FBXO36: variants seen among roughly 807,000 people sequenced by gnomAD.
FBXO36 encodes the protein F-box only protein 36.
A neutral mutation model predicts 17.0 loss-of-function variants in FBXO36; 18 were observed. That is an observed-to-expected ratio of 1.06 (90% CI 0.73 to 1.57). The LOEUF is 1.57. Ranked by LOEUF, FBXO36 falls within the 40% of genes most tolerant of loss-of-function variation. The pLI, the probability that FBXO36 is intolerant of heterozygous loss-of-function variation, is 0.00. For synonymous variants in FBXO36, 83 were observed against 85.3 expected, an observed-to-expected ratio of 0.97 and a Z score of 0.15; for missense variants, 229 against 221.9, an observed-to-expected ratio of 1.03 and a Z score of -0.20.
intron 1 of FBXO36, among the ~76,000 whole-genome samples, chr2:229,955,498 A>G (rs559566189): frequency 1.3e-5 from 2 of 151,928 alleles, no homozygotes; most frequent in Admixed American, 6.6e-5. Context: ...CCCGGGCAAC[A>G]GAGTGAGACC....
At chr2:230,006,774 C>T (rs535347529) in intron 3 of FBXO36, among the ~76,000 whole-genome samples, 13 of 152,088 alleles carry the variant, frequency 8.5e-5, no homozygotes, top group Non-Finnish European at 1.8e-4. Context: ...GTCACCTCTA[C>T]GAGACAGAAA....
chr2:229,981,797 T>C (rs1468665896), intron 2 of FBXO36, among the ~76,000 whole-genome samples: 2 of 152,050 alleles, frequency 1.3e-5, no homozygotes, highest in African/African-American at 4.8e-5. Flanking sequence ...TGTTCTCACA[T>C]TGCTATAAGG....
At chr2:229,972,939 G>A (rs1447359940) in intron 1 of FBXO36, among the ~76,000 whole-genome samples, 2 of 151,856 alleles carry the variant, frequency 1.3e-5, no homozygotes. Flanking sequence ...GCGTGCGCCT[G>A]TAATCCCAGC....
chr2:229,939,135 C>A, intron 1 of FBXO36: 2 of 643,878 alleles, frequency 3.1e-6, no homozygotes, highest in Non-Finnish European at 3.8e-6. Context: ...CTCACCGCAA[C>A]CTCCGGTTCC....
intron 1 of FBXO36, among the ~76,000 whole-genome samples, chr2:229,965,297 C>T (rs1341698401): frequency 6.6e-6 from 1 of 151,116 alleles, no homozygotes; most frequent in African/African-American, 2.4e-5. Context: ...GATCTTTGAT[C>T]TACTTGCACT....
chr2:229,936,486 G>C (rs1288781555), intron 1 of FBXO36, among the ~76,000 whole-genome samples: 1 of 152,098 alleles, frequency 6.6e-6, no homozygotes, highest in Non-Finnish European at 1.5e-5. Context: ...ATTAAAAGGG[G>C]CATTTTATAA....
intron 3 of FBXO36, among the ~76,000 whole-genome samples, chr2:230,001,423 G>T (rs1003975149): frequency 1.3e-5 from 2 of 151,832 alleles, no homozygotes; most frequent in Non-Finnish European, 1.5e-5. Flanking sequence ...GAGTAGCTGG[G>T]ATTACAGGCA....
chr2:229,976,078 T>C (rs1308129804), intron 1 of FBXO36, among the ~76,000 whole-genome samples, 163 bp from the exon 2 acceptor site: 1 of 152,212 alleles, frequency 6.6e-6, no homozygotes, highest in Non-Finnish European at 1.5e-5. Flanking sequence ...GAAAATGTTC[T>C]TTGATGCCCA....
Position 229,972,241 on chromosome 2 carries a change from G to A in FBXO36, c.97-4000G>A, listed in dbSNP as rs150761191. The stretch of plus-strand genomic sequence containing the variant: ...TTGAACTCCTGACCTCAGGTGATCT[G>A]CCCGCCTTGGCCTCCCAAAGTGCTG... On this transcript the variant is annotated intron_variant, in intron 1 of 3. Coordinates refer to ENST00000283946, the MANE Select transcript of FBXO36 (RefSeq NM_174899.5). Among the ~76,000 whole-genome samples, 301 of 147,472 alleles carry A rather than the reference G, an allele frequency of 2.0e-3. 2 individuals are homozygous for A. The highest frequency in any genetic ancestry group is 7.8e-3 in the Middle Eastern group (2 of 258).
chr2:229,962,149 G>C (rs2247164), intron 1 of FBXO36, among the ~76,000 whole-genome samples: 148,993 of 151,838 alleles, frequency 0.98, 73,167 homozygotes, highest in Middle Eastern at 1. Flanking sequence ...TGCCACTGCA[G>C]TCCAGCCTGG....
chr2:229,927,828 C>T (rs1241893518), intron 1 of FBXO36, among the ~76,000 whole-genome samples: 1 of 151,550 alleles, frequency 6.6e-6, no homozygotes, highest in Non-Finnish European at 1.5e-5. Flanking sequence ...AGAGTTGTGG[C>T]ACTAAAGACT....
intron 1 of FBXO36, chr2:229,973,547 C>T (rs2077191904): frequency 6.6e-6 from 1 of 151,778 alleles, no homozygotes; most frequent in Admixed American, 6.6e-5. Flanking sequence ...ATGGTGAAAC[C>T]CCGTCTCCAC....
intron 1 of FBXO36, among the ~76,000 whole-genome samples, chr2:229,951,453 A>G (rs1032087813): frequency 2.0e-5 from 3 of 151,466 alleles, no homozygotes. Context: ...CGTGTTGGTC[A>G]GGCTGGTCTT....
At chr2:229,979,487 G>T (rs897573419) in intron 2 of FBXO36, among the ~76,000 whole-genome samples, 93 of 151,564 alleles carry the variant, frequency 6.1e-4, no homozygotes, top group African/African-American at 2.2e-3. Context: ...TTCTTAAATA[G>T]TTAAAAGTTG....
intron 1 of FBXO36, among the ~76,000 whole-genome samples, chr2:229,926,144 AAGG>A (rs2076910966): frequency 6.7e-6 from 1 of 149,178 alleles, no homozygotes; most frequent in Non-Finnish European, 1.5e-5. Flanking sequence ...AAAAAAAAAA[AAGG>A]GGGGGCTGAG....
chr2:229,983,867 AT>A (rs536410364), intron 2 of FBXO36, among the ~76,000 whole-genome samples: 1 of 152,198 alleles, frequency 6.6e-6, no homozygotes, highest in Non-Finnish European at 1.5e-5. Flanking sequence ...ATGAGGACTA[AT>A]TGAATGAAGT....
rs1294433806 is a variant in FBXO36, at chr2:230,010,996, A to G, written c.*112A>G. 1.7e-6 allele frequency: 2 copies of G among 1,167,176 alleles called. No individual in the cohort carries two copies. The highest frequency in any genetic ancestry group is 1.6e-5 in the African/African-American group (1 of 64,300). 72.3% of individuals were successfully genotyped at this position (1,167,176 alleles called of 1,614,324 possible). A position where few individuals can be genotyped will look rare whatever the true frequency, so the allele number is the denominator to read the frequency against. On this transcript the variant is annotated 3_prime_UTR_variant, in exon 4 of 4. Coordinates refer to ENST00000283946, the MANE Select transcript of FBXO36 (RefSeq NM_174899.5). ...ACTAAGAGGTTTTGTTGATGCGTGGAGCCATTTGAAACTCGTAGGGGATTT... is the reference window on the plus strand; with the variant it reads ...ACTAAGAGGTTTTGTTGATGCGTGGGGCCATTTGAAACTCGTAGGGGATTT...
chr2:229,997,911 C>T (rs908213714), intron 3 of FBXO36, among the ~76,000 whole-genome samples: 4 of 152,198 alleles, frequency 2.6e-5, no homozygotes, highest in African/African-American at 9.7e-5. Flanking sequence ...GTTGTTCCTT[C>T]AACTCCAGAA....
chr2:230,001,448 T>C (rs2077358345), intron 3 of FBXO36, among the ~76,000 whole-genome samples: 1 of 151,980 alleles, frequency 6.6e-6, no homozygotes, highest in Non-Finnish European at 1.5e-5. Context: ...CCACTGTGCC[T>C]GGCTAATTTT....
Sources: gnomAD v4.1 joint callset for allele counts (sites outside exome capture counted in the v4.1 genomes callset) on GRCh38, gnomAD v4.1.1 for gene constraint, MANE v1.5 for transcripts, NCBI Gene and HGNC (gene_info 2026-07-23, HGNC 2026-07-21) for gene names.